GALNT18: variants seen among roughly 807,000 people sequenced by gnomAD.
GALNT18 encodes polypeptide N-acetylgalactosaminyltransferase 18, also known as GalNAc-transferase 18.
A neutral mutation model predicts 69.5 loss-of-function variants in GALNT18; 44 were observed. That is an observed-to-expected ratio of 0.63 (90% CI 0.50 to 0.81). The LOEUF (loss-of-function observed/expected upper bound fraction) is 0.81. Ranked by LOEUF, GALNT18 falls within the 40% of genes least tolerant of loss-of-function variation. The pLI is 0.00. For synonymous variants in GALNT18, 364 were observed against 318.2 expected (o/e 1.14, Z -1.53); for missense variants, 715 against 810.0 (o/e 0.88, Z 1.42).
chr11:11,609,068 A>T (rs1050807791), intron 1 of GALNT18, among the ~76,000 whole-genome samples: 1 of 152,202 alleles, frequency 6.6e-6, no homozygotes, highest in Non-Finnish European at 1.5e-5. Flanking sequence ...GAAAAGGAGC[A>T]TGTCACATGT....
At chr11:11,449,600 G>C (rs1019931098) in intron 1 of GALNT18, among the ~76,000 whole-genome samples, 1 of 152,220 alleles carries the variant, frequency 6.6e-6, no homozygotes, top group Admixed American at 6.5e-5. Context: ...GAGCCCTTGT[G>C]GACTTGGTGG....
At chr11:11,478,247 A>G (rs6484940) in intron 1 of GALNT18, among the ~76,000 whole-genome samples, 147,277 of 152,324 alleles carry the variant, frequency 0.97, 71,356 homozygotes, top group East Asian at 1. Context: ...AAAATTCCAG[A>G]GAAACTTGTT....
intron 1 of GALNT18, among the ~76,000 whole-genome samples, chr11:11,474,415 G>A (rs1856342427): frequency 6.6e-6 from 1 of 152,200 alleles, no homozygotes; most frequent in African/African-American, 2.4e-5. Flanking sequence ...CAGGACCTGT[G>A]AGCCTTTGTG....
chr11:11,604,164 T>A lies in GALNT18; in HGVS notation c.235+17195A>T, dbSNP rs1859694210. Among the ~76,000 whole-genome samples the A allele has an allele frequency of 6.6e-6, 1 of 152,246 alleles. No individual in the cohort carries two copies. The highest frequency in any genetic ancestry group is 6.5e-5 in the Admixed American group (1 of 15,286). On this transcript the variant is annotated intron_variant, in intron 1 of 10. Coordinates refer to ENST00000227756, the MANE Select transcript of GALNT18 (RefSeq NM_198516.3). This position sits in a 1 kb window ranked among gnomAD's most constrained non-coding sequence, Gnocchi z 5.6. ...TGAGGAAATAAGTGTCTGTTATTAA[T>A]ACACCACACAGTTTATGGTATTTTG...
rs1848816031 is a variant in GALNT18, at chr11:11,271,074, T to C, written c.*70A>G. 3.4e-6 allele frequency: 5 copies of C among 1,482,416 alleles called. No individual in the cohort carries two copies. Among genetic ancestry groups the C allele is most frequent in the Non-Finnish European group, 4.6e-6 (5 of 1,085,812 alleles). The allele number at this position is 1,482,416 out of a possible 1,614,324, so 91.8% of individuals were successfully genotyped here. A position where few individuals can be genotyped will look rare whatever the true frequency, so the allele number is the denominator to read the frequency against. The stretch of plus-strand genomic sequence containing the variant: ...TCCCCAGACTCCAAACAACCCCACG[T>C]GGACAGCAGGCAACGTTGCAGCAGG... On this transcript the variant is annotated 3_prime_UTR_variant, in exon 11 of 11. Transcript: ENST00000227756.
chr11:11,274,306 A>G (rs1357160357), intron 10 of GALNT18, among the ~76,000 whole-genome samples: 2 of 151,884 alleles, frequency 1.3e-5, no homozygotes, highest in African/African-American at 4.9e-5. Context: ...TTTTTTTCTC[A>G]ATACCCCAGT....
rs1434089637 is a variant in GALNT18, at chr11:11,564,256, A to T, written c.235+57103T>A. On this transcript the variant is annotated intron_variant, in intron 1 of 10. Transcript: ENST00000227756. The surrounding 1 kb of genome is among the most constrained non-coding windows in gnomAD (Gnocchi z 4.3). Reference sequence around the variant, plus strand: ...CTATACTGCCTTCACCTGAAGGCTCATCTTAAGAGATATGCACCTGACTCT... The same window carrying T: ...CTATACTGCCTTCACCTGAAGGCTCTTCTTAAGAGATATGCACCTGACTCT... Among the ~76,000 whole-genome samples, 1 of 152,174 alleles carries T rather than the reference A, an allele frequency of 6.6e-6. No homozygotes were observed. Among genetic ancestry groups the T allele is most frequent in the Non-Finnish European group, 1.5e-5 (1 of 68,028 alleles).
Position 11,523,726 on chromosome 11 carries a change from A to T in GALNT18, c.236-74790T>A, listed in dbSNP as rs1316747328. Among the ~76,000 whole-genome samples, 2 of 152,028 alleles carry T rather than the reference A, an allele frequency of 1.3e-5. No homozygotes were observed. Among genetic ancestry groups the T allele is most frequent in the Non-Finnish European group, 2.9e-5 (2 of 67,996 alleles). On this transcript the variant is annotated intron_variant, in intron 1 of 10. Coordinates refer to ENST00000227756, the MANE Select transcript of GALNT18 (RefSeq NM_198516.3). This position sits in a 1 kb window ranked among gnomAD's most constrained non-coding sequence, Gnocchi z 4.3. ...AGAGCGAGACTCCATCTCAAAAAAA[A>T]AAAAAAATATCGTACACCCTGCCTC...
rs1859733728 is a variant in GALNT18, at chr11:11,605,588, T to A, written c.235+15771A>T. Among the ~76,000 whole-genome samples the A allele has an allele frequency of 6.6e-6, 1 of 152,202 alleles. No homozygotes were observed. Among genetic ancestry groups the A allele is most frequent in the South Asian group, 2.1e-4 (1 of 4,830 alleles). ...TTTACCTCTGGGGTCCCAAGCACTC[T>A]GTTTCCTTTCTTGAAAATGAAGCTA... On this transcript the variant is annotated intron_variant, in intron 1 of 10. Transcript: ENST00000227756. This position sits in a 1 kb window ranked among gnomAD's most constrained non-coding sequence, Gnocchi z 4.7.
Position 11,562,641 on chromosome 11 carries a change from G to A in GALNT18, c.235+58718C>T, listed in dbSNP as rs1039610005. ...ACAGCACAATTTCAAGGCCCCACAT[G>A]GACGTCTGCAAATAGCAAAGCAAGT... On this transcript the variant is annotated intron_variant, in intron 1 of 10. Transcript: ENST00000227756. This position sits in a 1 kb window ranked among gnomAD's most constrained non-coding sequence, Gnocchi z 4.1. Among the ~76,000 whole-genome samples the A allele has an allele frequency of 3.3e-5, 5 of 152,056 alleles. No individual in the cohort carries two copies. The highest frequency in any genetic ancestry group is 1.2e-4 in the African/African-American group (5 of 41,382).
At chr11:11,346,327 T>C (rs10741547) in intron 6 of GALNT18, among the ~76,000 whole-genome samples, 145,156 of 152,268 alleles carry the variant, frequency 0.95, 69,552 homozygotes, top group East Asian at 1. Flanking sequence ...TGAGTGAATC[T>C]AGGAATCTGA....
chr11:11,438,130 C>T (rs1855452496), intron 2 of GALNT18, among the ~76,000 whole-genome samples: 1 of 152,260 alleles, frequency 6.6e-6, no homozygotes, highest in Non-Finnish European at 1.5e-5. Flanking sequence ...TCACTCCAGC[C>T]TCTGTCTCCT....
intron 1 of GALNT18, among the ~76,000 whole-genome samples, chr11:11,578,892 G>A (rs12285497): frequency 0.05 from 7,590 of 152,238 alleles, 616 homozygotes; most frequent in African/African-American, 0.17. Context: ...AAATGGAAAG[G>A]GCTATGTCAG....
At chr11:11,566,453 C>A (rs1314902175) in intron 1 of GALNT18, among the ~76,000 whole-genome samples, 1 of 152,202 alleles carries the variant, frequency 6.6e-6, no homozygotes, top group Admixed American at 6.5e-5. Context: ...ATTGTATTGA[C>A]ATTAATTCCC....
At chr11:11,533,981 T>C (rs1019631355) in intron 1 of GALNT18, among the ~76,000 whole-genome samples, 2 of 152,250 alleles carry the variant, frequency 1.3e-5, no homozygotes, top group Admixed American at 6.5e-5. Flanking sequence ...TAACATGGAT[T>C]GAGCTGTGTT....
In GALNT18 at chr11:11,432,147, C is replaced by G. The variant is rs181782102; in HGVS notation, c.595+474G>C. On this transcript the variant is annotated intron_variant, in intron 3 of 10. Transcript: ENST00000227756. This position sits in a 1 kb window ranked among gnomAD's most constrained non-coding sequence, Gnocchi z 5.8. ...CAAGTCTGTTGCTGTCATTGAGTTA[C>G]GTGTCCACTGCCATCCCCATCATCA... Among the ~76,000 whole-genome samples the G allele has an allele frequency of 6.6e-6, 1 of 152,178 alleles. No homozygotes were observed. The highest frequency in any genetic ancestry group is 1.5e-5 in the Non-Finnish European group (1 of 68,022).
chr11:11,304,975 G>A (rs1406026305), intron 9 of GALNT18, among the ~76,000 whole-genome samples: 2 of 152,190 alleles, frequency 1.3e-5, no homozygotes, highest in African/African-American at 4.8e-5. Context: ...CCACTGAGAT[G>A]TGCGGACATC....
chr11:11,443,705 A>C (rs1476746198), intron 2 of GALNT18, among the ~76,000 whole-genome samples: 1 of 152,170 alleles, frequency 6.6e-6, no homozygotes, highest in Non-Finnish European at 1.5e-5. Context: ...ACCAGGAAGG[A>C]AGCAAGTGAA....
At chr11:11,301,566 G>A (rs532937479) in intron 9 of GALNT18, among the ~76,000 whole-genome samples, 4 of 152,318 alleles carry the variant, frequency 2.6e-5, no homozygotes, top group South Asian at 2.1e-4. Context: ...TTAGTGTGAC[G>A]ACATACATGT....
Sources: gnomAD v4.1 joint callset for allele counts (sites outside exome capture counted in the v4.1 genomes callset) on GRCh38, gnomAD v4.1.1 for gene constraint, Gnocchi (gnomAD v3.1) non-coding constraint, MANE v1.5 for transcripts, NCBI Gene and HGNC (gene_info 2026-07-23, HGNC 2026-07-21) for gene names.